Variants in NT5DC3 observed in about 807,000 individuals in gnomAD.
NT5DC3 encodes the protein 5'-nucleotidase domain-containing protein 3.
NT5DC3 carries 42 observed loss-of-function variants against 67.8 expected under a neutral mutation model. The observed-to-expected ratio is 0.62, with a 90% CI of 0.48 to 0.80. The LOEUF (loss-of-function observed/expected upper bound fraction) is 0.80, where lower values mean the gene tolerates loss of function less well. Among genes scored for constraint, NT5DC3 ranks in the 30% least tolerant of loss-of-function variants. The pLI, the probability that NT5DC3 is intolerant of heterozygous loss-of-function variation, is 0.00. For missense variants in NT5DC3, 570 were observed against 696.4 expected, an observed-to-expected ratio of 0.82 and a Z score of 2.04; for synonymous variants, 237 against 255.6, an observed-to-expected ratio of 0.93 and a Z score of 0.69.
At chr12:103,760,702 A>G in the NT5DC3 span, among the ~76,000 whole-genome samples, 1 of 152,206 alleles carries the variant, frequency 6.6e-6, no homozygotes, top group Non-Finnish European at 1.5e-5. Context: ...AGACATGCAG[A>G]GAGTAGTGCC....
downstream of NT5DC3, among the ~76,000 whole-genome samples, chr12:103,767,926 CA>C (rs111230279): frequency 4.8e-5 from 7 of 145,260 alleles, no homozygotes; most frequent in Admixed American, 1.4e-4. Context: ...ACTAAAAATA[CA>C]AAAAAAAAAT....
chr12:103,826,659 T>C (rs1887709141), intron 1 of NT5DC3, among the ~76,000 whole-genome samples: 1 of 152,240 alleles, frequency 6.6e-6, no homozygotes, highest in African/African-American at 2.4e-5. Flanking sequence ...ATGAAGACAA[T>C]ATATTGTACT....
chr12:103,815,055 C>T lies in NT5DC3; in HGVS notation c.275G>A (p.Ser92Asn). The change falls in exon 2 of 14, where the codon AGC becomes AAC. Residue 92 changes from serine to asparagine, a missense_variant. Coordinates refer to ENST00000392876, the MANE Select transcript of NT5DC3 (RefSeq NM_001031701.3). ...PDAIFSNNEM[S>N]LSDIEIYGFD... ...GCCATAGATTTCAATGTCTGACAGG[C>T]TCATTTCATTGTTTGAGAAAATGGC... The T allele has an allele frequency of 1.9e-6, 3 of 1,613,464 alleles. No homozygotes were observed. Among genetic ancestry groups the T allele is most frequent in the Middle Eastern group, 3.3e-4 (2 of 6,062 alleles).
intron 1 of NT5DC3, among the ~76,000 whole-genome samples, chr12:103,822,986 G>C (rs541624159): frequency 5.3e-5 from 8 of 152,240 alleles, no homozygotes; most frequent in Non-Finnish European, 7.4e-5. Context: ...ATGTTAGCAA[G>C]AATATGATCA....
intron 1 of NT5DC3, among the ~76,000 whole-genome samples, chr12:103,829,884 A>G (rs11615701): frequency 0.14 from 18,419 of 132,112 alleles, 1,160 homozygotes; most frequent in African/African-American, 0.16. Context: ...GCTTTTAATC[A>G]GAAAAAAAAA....
chr12:103,768,953 A>T (rs925703730), downstream of NT5DC3: 1 of 152,106 alleles, frequency 6.6e-6, no homozygotes, highest in African/African-American at 2.4e-5. Flanking sequence ...TCGAAGACCC[A>T]GTGTCTTCCC....
chr12:103,762,491 A>C, the NT5DC3 span: 1 of 1,591,984 alleles, frequency 6.3e-7, no homozygotes, highest in Non-Finnish European at 8.6e-7. Flanking sequence ...TGGCTGCGCC[A>C]GAGTCCTCAC....
At chr12:103,797,924 G>C (rs1395209562) in intron 5 of NT5DC3, among the ~76,000 whole-genome samples, 1 of 152,080 alleles carries the variant, frequency 6.6e-6, no homozygotes, top group Non-Finnish European at 1.5e-5. Context: ...ATTTATATTA[G>C]CCTATGCAAA....
chr12:103,751,074 A>G, the NT5DC3 span, among the ~76,000 whole-genome samples: 1 of 152,180 alleles, frequency 6.6e-6, no homozygotes, highest in Admixed American at 6.5e-5. Flanking sequence ...GCCAGAAAGG[A>G]CCCACAAACA....
intron 12 of NT5DC3, among the ~76,000 whole-genome samples, chr12:103,782,985 C>CA (rs781690378): frequency 1.6e-3 from 238 of 152,248 alleles, no homozygotes; most frequent in Non-Finnish European, 1.8e-3. Context: ...GACTCCATCT[C>CA]AAAAACAAAC....
chr12:103,749,107 G>T, the NT5DC3 span: 1 of 1,612,446 alleles, frequency 6.2e-7, no homozygotes, highest in Non-Finnish European at 8.5e-7. Flanking sequence ...TGTGCAGACG[G>T]CCTTAACGGA....
At chr12:103,758,817 G>T in the NT5DC3 span, among the ~76,000 whole-genome samples, 2 of 152,204 alleles carry the variant, frequency 1.3e-5, no homozygotes, top group East Asian at 1.9e-4. Context: ...ACAGGTGGCT[G>T]ACCTGAGGCT....
intron 1 of NT5DC3, among the ~76,000 whole-genome samples, chr12:103,838,977 G>A (rs201935020): frequency 6.6e-6 from 1 of 152,200 alleles, no homozygotes; most frequent in East Asian, 1.9e-4. Flanking sequence ...GGGGGAGATG[G>A]GTGGGGCTAT....
chr12:103,765,915 A>G (rs1333358783), downstream of NT5DC3: 3 of 361,038 alleles, frequency 8.3e-6, no homozygotes, highest in African/African-American at 6.4e-5. Flanking sequence ...TCAAACCGAA[A>G]GGAGTTTTTA....
At chr12:103,798,776 G>A in intron 4 of NT5DC3, 99 bp from the exon 5 acceptor site, 1 of 827,660 alleles carries the variant, frequency 1.2e-6, no homozygotes. Context: ...GAGGTGCAAG[G>A]CACTGTCATC....
At chr12:103,799,112 C>T (rs1050240420) in intron 4 of NT5DC3, among the ~76,000 whole-genome samples, 5 of 152,210 alleles carry the variant, frequency 3.3e-5, no homozygotes, top group African/African-American at 1.2e-4. Context: ...GGTCCAGGCT[C>T]TCACACCACT....
At chr12:103,823,467 T>C (rs1376248506) in intron 1 of NT5DC3, among the ~76,000 whole-genome samples, 1 of 152,212 alleles carries the variant, frequency 6.6e-6, no homozygotes, top group African/African-American at 2.4e-5. Context: ...ATTTTAAATA[T>C]CTATTTCTAT....
the NT5DC3 span, chr12:103,757,822 C>G: frequency 3.8e-6 from 1 of 263,090 alleles, no homozygotes. Context: ...CTTTGGGCCT[C>G]GTGAGCTGTT....
At chr12:103,788,291 T>C (rs1468271459) in intron 10 of NT5DC3, among the ~76,000 whole-genome samples, 1 of 152,094 alleles carries the variant, frequency 6.6e-6, no homozygotes, top group Middle Eastern at 3.2e-3. Context: ...AAATAAAAAT[T>C]AAAAATTAGC....
Sources: allele counts gnomAD v4.1 joint callset (sites outside exome capture counted in the v4.1 genomes callset), GRCh38; gene constraint gnomAD v4.1.1; transcripts MANE v1.5; gene names NCBI Gene and HGNC (gene_info 2026-07-23, HGNC 2026-07-21).